The following FAM135B variants were observed in gnomAD, a reference collection of about 807,000 sequenced individuals.
FAM135B encodes the protein protein FAM135B.
FAM135B carries 43 observed loss-of-function variants against 127.7 expected under a neutral mutation model. The observed-to-expected ratio is 0.34, with a 90% CI of 0.26 to 0.43. The LOEUF (loss-of-function observed/expected upper bound fraction) is 0.43. Ranked by LOEUF, FAM135B falls within the 20% of genes least tolerant of loss-of-function variation. The pLI is 1.00. For missense variants in FAM135B, 1,558 were observed against 1,725.6 expected (o/e 0.90, Z 1.72); for synonymous variants, 670 against 665.1 (o/e 1.01, Z -0.11).
rs1816180193 is a variant in FAM135B at position 138,131,074 on chromosome 8, A to C, written c.*1519T>G. On this transcript the variant is annotated 3_prime_UTR_variant, in exon 20 of 20. Transcript: ENST00000395297. ...TCCCATGGTCTGCTTTTATTTTTCAAAGTCACATTGTTAACATAAGAGGAT... is the reference window on the plus strand; with the variant it reads ...TCCCATGGTCTGCTTTTATTTTTCACAGTCACATTGTTAACATAAGAGGAT... The C allele has an allele frequency of 6.6e-6, 1 of 152,162 alleles. No homozygotes were observed. Among genetic ancestry groups the C allele is most frequent in the Admixed American group, 6.5e-5 (1 of 15,286 alleles). The allele number at this position is 152,162 out of a possible 1,614,324, so 9.4% of individuals were successfully genotyped here.
At chr8:138,317,520 A>T (rs1410402993) in intron 2 of FAM135B, among the ~76,000 whole-genome samples, 1 of 152,226 alleles carries the variant, frequency 6.6e-6, no homozygotes, top group African/African-American at 2.4e-5. Flanking sequence ...CTAGATAAAC[A>T]TTATATGAGA....
At chr8:138,426,107 T>C (rs1834873073) in intron 1 of FAM135B, among the ~76,000 whole-genome samples, 1 of 115,544 alleles carries the variant, frequency 8.7e-6, no homozygotes, top group Non-Finnish European at 1.8e-5. Context: ...TTTATATATA[T>C]ATATACACAT....
At chr8:138,462,130 G>T (rs1219254200) in intron 1 of FAM135B, among the ~76,000 whole-genome samples, 2 of 151,976 alleles carry the variant, frequency 1.3e-5, no homozygotes, top group African/African-American at 4.8e-5. Flanking sequence ...GAAAAAGAAA[G>T]AAAACAAAGT....
chr8:138,248,475 T>A (rs1821450953), intron 6 of FAM135B, among the ~76,000 whole-genome samples: 1 of 152,154 alleles, frequency 6.6e-6, no homozygotes, highest in African/African-American at 2.4e-5. Context: ...ATATACTTCA[T>A]CCCATTGCAC....
chr8:138,212,802 A>T (rs766891701), intron 7 of FAM135B, among the ~76,000 whole-genome samples: 4 of 152,238 alleles, frequency 2.6e-5, no homozygotes, highest in Non-Finnish European at 5.9e-5. Flanking sequence ...TGGATTCTTA[A>T]TATTTAATCT....
chr8:138,451,837 T>A (rs1280324098), intron 1 of FAM135B, among the ~76,000 whole-genome samples: 1 of 152,158 alleles, frequency 6.6e-6, no homozygotes, highest in Non-Finnish European at 1.5e-5. Context: ...TATGGATGGA[T>A]GGGTGAACAA....
intron 1 of FAM135B, among the ~76,000 whole-genome samples, chr8:138,405,791 T>C (rs74862376): frequency 0.07 from 10,713 of 152,046 alleles, 788 homozygotes; most frequent in East Asian, 0.26. Context: ...ATCGCCACAC[T>C]GACTTCCACA....
intron 3 of FAM135B, among the ~76,000 whole-genome samples, chr8:138,294,693 T>C (rs1825352230): frequency 6.6e-6 from 1 of 152,188 alleles, no homozygotes; most frequent in African/African-American, 2.4e-5. Context: ...ATTGAAAAAT[T>C]ATCTCTGGGA....
rs2130779317 is a variant in FAM135B, at chr8:138,152,718, C to G, written c.1757G>C (p.Gly586Ala). 1 of 1,614,198 alleles carries G rather than the reference C, an allele frequency of 6.2e-7. No homozygotes were observed. Among genetic ancestry groups the G allele is most frequent in the Non-Finnish European group, 8.5e-7 (1 of 1,180,028 alleles). ...HESRSSRDKY[G>A]LDRTGLSKVV... Reference sequence around the variant, plus strand: ...TTTGCTTAGCCCAGTCCTGTCTAATCCATACTTATCTCTAGAGCTCCTACT... The same window carrying G: ...TTTGCTTAGCCCAGTCCTGTCTAATGCATACTTATCTCTAGAGCTCCTACT... Residue 586 changes from glycine (G) to alanine (A), a missense_variant, in exon 13 of 20, where the codon GGA (glycine) becomes GCA (alanine). Around this residue, in one of 5 missense-constraint regions of FAM135B, gnomAD observed 923 missense variants for 865.3 expected, o/e 1.07. Coordinates refer to ENST00000395297, the MANE Select transcript of FAM135B (RefSeq NM_015912.4).
intron 1 of FAM135B, among the ~76,000 whole-genome samples, chr8:138,398,863 C>T (rs746953603): frequency 3.3e-5 from 5 of 152,194 alleles, no homozygotes; most frequent in Non-Finnish European, 5.9e-5. Context: ...TTCCCAGCCT[C>T]TATTTCCCCT....
chr8:138,177,298 C>T lies in FAM135B; in HGVS notation c.1103+49G>A, dbSNP rs370375273. ...TGAAGAGTAACTTTGAACAGCATGT[C>T]TTGGGTGGCTGCTTTTAGGGATGAA... On this transcript the variant is annotated intron_variant, in intron 11 of 19. Coordinates refer to ENST00000395297, the MANE Select transcript of FAM135B (RefSeq NM_015912.4). 3 of 1,563,872 alleles carry T rather than the reference C, an allele frequency of 1.9e-6. No homozygotes were observed. The African/African-American group carries it at 4.1e-5, about 21-fold the overall frequency.
At chr8:138,280,975 C>T (rs761652660) in intron 3 of FAM135B, among the ~76,000 whole-genome samples, 11 of 152,016 alleles carry the variant, frequency 7.2e-5, no homozygotes, top group African/African-American at 2.2e-4. Flanking sequence ...ACAGCTCCTC[C>T]GGGGGTGGAG....
In FAM135B at chr8:138,457,805, C is replaced by G. The variant is rs59244160; in HGVS notation, c.-20+38866G>C. Among the ~76,000 whole-genome samples, 1,010 of 152,134 alleles carry G rather than the reference C, an allele frequency of 6.6e-3. 15 individuals are homozygous for G. The highest frequency in any genetic ancestry group is 0.023 in the African/African-American group (952 of 41,502). On this transcript the variant is annotated intron_variant, in intron 1 of 19. Coordinates refer to ENST00000395297, the MANE Select transcript of FAM135B (RefSeq NM_015912.4). ...TGGCCAGCATGGCAAAATCCCATCT[C>G]TACTAAAAACACACACAAAAAATTA... is the stretch of plus-strand genomic sequence containing the variant.
intron 17 of FAM135B, among the ~76,000 whole-genome samples, chr8:138,140,971 T>A (rs1488344587): frequency 6.6e-6 from 1 of 152,112 alleles, no homozygotes; most frequent in Non-Finnish European, 1.5e-5. Context: ...TGCCTTTTTT[T>A]CACAGAAATT....
intron 7 of FAM135B, among the ~76,000 whole-genome samples, chr8:138,219,875 A>G (rs1252478884): frequency 1.3e-5 from 2 of 152,188 alleles, no homozygotes; most frequent in Non-Finnish European, 2.9e-5. Flanking sequence ...TGTGATAAGC[A>G]ATTCATATGA....
Position 138,138,999 on chromosome 8 carries a change from T to C in FAM135B, c.3888A>G (p.Leu1296=). ...GAAACCACTGACCTGTTTTTTGGCT[T>C]AGTTGGTAGAGGAAACATTTGCGCA... ...ADLRKCFLYQ[L]SQKTGLQYFK... Residue 1296 remains leucine, a synonymous_variant, in exon 18 of 20, where the codon CTA becomes CTG. Transcript: ENST00000395297. 1 of 1,611,334 alleles carries C rather than the reference T, an allele frequency of 6.2e-7. No individual in the cohort carries two copies. The highest frequency in any genetic ancestry group is 8.5e-7 in the Non-Finnish European group (1 of 1,177,512).
At position 138,380,518 on chromosome 8, in the gene FAM135B, G is replaced by A. The variant is rs181058088; in HGVS notation, c.-19-12516C>T. ...CACTATATAGGTTTTAATACCTCAC[G>A]CATCAAAGCATAGTGATCCAGTGGT... On this transcript the variant is annotated intron_variant, in intron 1 of 19. Coordinates refer to ENST00000395297, the MANE Select transcript of FAM135B (RefSeq NM_015912.4). Among the ~76,000 whole-genome samples, 11 of 152,160 alleles carry A rather than the reference G, an allele frequency of 7.2e-5. No homozygotes were observed. In the East Asian group the frequency reaches 1.4e-3, roughly 19 times the overall value.
chr8:138,343,800 C>T (rs1238117789), intron 2 of FAM135B, among the ~76,000 whole-genome samples: 3 of 152,174 alleles, frequency 2.0e-5, no homozygotes, highest in Non-Finnish European at 4.4e-5. Context: ...ATAAAGAAAA[C>T]CTGCATTCCC....
chr8:138,223,031 A>G (rs778059513), intron 7 of FAM135B, among the ~76,000 whole-genome samples: 2 of 152,154 alleles, frequency 1.3e-5, no homozygotes, highest in Non-Finnish European at 2.9e-5. Flanking sequence ...AGATTCCAAG[A>G]TTAGGTACAC....
Sources: gnomAD v4.1 joint callset for allele counts (sites outside exome capture counted in the v4.1 genomes callset) on GRCh38, gnomAD v4.1.1 for gene constraint, gnomAD v4.1.1 regional missense constraint, MANE v1.5 for transcripts, NCBI Gene and HGNC (gene_info 2026-07-23, HGNC 2026-07-21) for gene names.